The following ASPH variants were observed in gnomAD, a reference collection of about 807,000 sequenced individuals.
The protein encoded by ASPH is aspartate beta-hydroxylase.
In ASPH, 100 loss-of-function variants were observed where a neutral mutation model predicts 118.4. The ratio of observed to expected loss-of-function variants is 0.84; its 90% CI spans 0.72 to 1.00. The LOEUF (loss-of-function observed/expected upper bound fraction) is 1.00, where lower values mean the gene tolerates loss of function less well. Among genes scored for constraint, ASPH ranks in the 50% least tolerant of loss-of-function variants. The probability of loss-of-function intolerance (pLI) is 0.00; values close to 1 mark genes in which losing one functional copy is unlikely to be tolerated. For synonymous variants in ASPH, 315 were observed against 325.6 expected, an observed-to-expected ratio of 0.97 and a Z score of 0.35; for missense variants, 920 against 919.5, an observed-to-expected ratio of 1.00 and a Z score of -0.01.
chr8:61,565,477 G>T (rs1399743914), intron 17 of ASPH, among the ~76,000 whole-genome samples: 1 of 152,154 alleles, frequency 6.6e-6, no homozygotes, highest in African/African-American at 2.4e-5. Context: ...ATCATAAAAT[G>T]GGAAGAAAGA....
At chr8:61,618,456 T>G (rs1022195253) in intron 14 of ASPH, among the ~76,000 whole-genome samples, 3 of 152,178 alleles carry the variant, frequency 2.0e-5, no homozygotes, top group African/African-American at 7.2e-5. Context: ...GCTGTAACTT[T>G]GTTTGTATAT....
Position 61,517,593 on chromosome 8 carries a change from G to A in ASPH, c.2061C>T (p.Leu687=). ...GAATCACCAAGCCCAGGTGCATTCG[G>A]AGCCTGCAGTTTGTGGGCCCTGTGT... ...WPHTGPTNCR[L]RMHLGLVIPK... The change falls in exon 24 of 25, where the codon CTC becomes CTT. Residue 687 remains leucine (L), a synonymous_variant. Coordinates refer to ENST00000379454, the MANE Select transcript of ASPH (RefSeq NM_004318.4). The A allele has an allele frequency of 1.2e-6, 2 of 1,614,154 alleles. No individual in the cohort carries two copies. Among genetic ancestry groups the A allele is most frequent in the South Asian group, 2.2e-5 (2 of 91,086 alleles).
chr8:61,689,572 G>A lies in ASPH; in HGVS notation c.104-5384C>T. Reference sequence around the variant, plus strand: ...AGAAAATGTAGACAGTACAGTCAAAGCACTTAGCCAAAAATATTTTAACAG... The same window carrying A: ...AGAAAATGTAGACAGTACAGTCAAAACACTTAGCCAAAAATATTTTAACAG... On this transcript the variant is annotated intron_variant, in intron 1 of 24. Transcript: ENST00000379454. The A allele has an allele frequency of 1.6e-6, 2 of 1,212,270 alleles. 1 individual carries two copies. Among genetic ancestry groups the A allele is most frequent in the South Asian group, 2.8e-5 (2 of 70,464 alleles). 75.1% of individuals were successfully genotyped at this position (1,212,270 alleles called of 1,614,324 possible). A position where few individuals can be genotyped will look rare whatever the true frequency, so the allele number is the denominator to read the frequency against.
intron 14 of ASPH, among the ~76,000 whole-genome samples, chr8:61,595,987 T>C (rs1199837853): frequency 4.2e-5 from 6 of 142,512 alleles, no homozygotes; most frequent in African/African-American, 1.3e-4. Flanking sequence ...CAGTGTGCCA[T>C]CTGGATGTGT....
intron 20 of ASPH, among the ~76,000 whole-genome samples, chr8:61,550,442 T>TACAC (rs34577657): frequency 0.052 from 7,670 of 147,594 alleles, 202 homozygotes; most frequent in Admixed American, 0.069. Flanking sequence ...CACATGTACA[T>TACAC]ACACACACAC....
intron 22 of ASPH, among the ~76,000 whole-genome samples, chr8:61,520,459 C>T (rs1313448093): frequency 6.6e-6 from 1 of 152,142 alleles, no homozygotes; most frequent in Non-Finnish European, 1.5e-5. Flanking sequence ...ACAAAAAACG[C>T]AACTAAAAGG....
At chr8:61,616,280 G>A (rs945774718) in intron 14 of ASPH, among the ~76,000 whole-genome samples, 4 of 152,188 alleles carry the variant, frequency 2.6e-5, no homozygotes, top group African/African-American at 9.7e-5. Flanking sequence ...ATACCCGACA[G>A]TGCAGGGGAA....
intron 14 of ASPH, among the ~76,000 whole-genome samples, chr8:61,585,526 A>T (rs976765981): frequency 2.6e-5 from 4 of 152,182 alleles, no homozygotes; most frequent in Non-Finnish European, 4.4e-5. Flanking sequence ...CCGCCAACAC[A>T]CACACCTGTC....
At chr8:61,713,349 G>A (rs1015400744) in intron 1 of ASPH, among the ~76,000 whole-genome samples, 2 of 152,218 alleles carry the variant, frequency 1.3e-5, no homozygotes, top group African/African-American at 2.4e-5. Context: ...ATAGTGACAA[G>A]TGCTATAAAG....
rs548421071 is a variant in ASPH, at chr8:61,510,278, C to G, written c.2127-6769G>C. On this transcript the variant is annotated intron_variant, in intron 24 of 24. Transcript: ENST00000379454. ...GTTATGTAAGTTGTATAGAGTTACT[C>G]TTTACAAGAGGGAAAGCCAGGATTT... Among the ~76,000 whole-genome samples, 5 of 152,290 alleles carry G rather than the reference C, an allele frequency of 3.3e-5. No homozygotes were observed. In the South Asian group the frequency reaches 6.2e-4, roughly 19 times the overall value.
intron 11 of ASPH, 156 bp downstream of exon 11, chr8:61,638,166 A>T (rs1858727670): frequency 8.5e-7 from 1 of 1,173,254 alleles, no homozygotes; most frequent in Non-Finnish European, 1.2e-6. Context: ...TTATATTAGA[A>T]TATTAACTTT....
chr8:61,610,428 T>C (rs1248941914), intron 14 of ASPH, among the ~76,000 whole-genome samples: 1 of 152,222 alleles, frequency 6.6e-6, no homozygotes, highest in East Asian at 1.9e-4. Context: ...ATCACTAAAA[T>C]TGCCATAATT....
intron 3 of ASPH, among the ~76,000 whole-genome samples, chr8:61,676,890 A>G (rs1329011790): frequency 6.6e-6 from 1 of 152,016 alleles, no homozygotes; most frequent in African/African-American, 2.4e-5. Context: ...TAGCAGTATT[A>G]CCATTTATAG....
At chr8:61,708,649 G>A (rs1173649374) in intron 1 of ASPH, among the ~76,000 whole-genome samples, 1 of 152,282 alleles carries the variant, frequency 6.6e-6, no homozygotes, top group Non-Finnish European at 1.5e-5. Context: ...TGTAAAATAT[G>A]AGAAAAGGCA....
At chr8:61,615,604 T>C (rs1452160091) in intron 14 of ASPH, among the ~76,000 whole-genome samples, 4 of 152,346 alleles carry the variant, frequency 2.6e-5, no homozygotes, top group Non-Finnish European at 5.9e-5. Flanking sequence ...TGTTTGAATT[T>C]GACATTTAAC....
intron 24 of ASPH, among the ~76,000 whole-genome samples, chr8:61,516,743 C>CG (rs1407223893): frequency 1.2e-4 from 18 of 152,140 alleles, no homozygotes; most frequent in Admixed American, 2.6e-4. Context: ...GGTGAAAAGA[C>CG]GGGCATTCTA....
chr8:61,698,411 G>A (rs1834439309), intron 1 of ASPH, among the ~76,000 whole-genome samples: 1 of 152,234 alleles, frequency 6.6e-6, no homozygotes, highest in African/African-American at 2.4e-5. Flanking sequence ...ACTTGAAATA[G>A]GCAAGGAGGC....
intron 24 of ASPH, among the ~76,000 whole-genome samples, chr8:61,509,588 C>T (rs193275884): frequency 1.3e-4 from 20 of 152,280 alleles, no homozygotes; most frequent in Non-Finnish European, 2.8e-4. Flanking sequence ...GGCTGACCTC[C>T]TATCTCATCC....
chr8:61,682,687 G>A lies in ASPH; in HGVS notation c.253+1352C>T, dbSNP rs182536160. Among the ~76,000 whole-genome samples the A allele has an allele frequency of 3.4e-3, 523 of 152,188 alleles. 3 individuals carry two copies. Among genetic ancestry groups the A allele is most frequent in the Middle Eastern group, 0.027 (8 of 294 alleles). On this transcript the variant is annotated intron_variant, in intron 2 of 24. Coordinates refer to ENST00000379454, the MANE Select transcript of ASPH (RefSeq NM_004318.4). ...CCAGAGACACTTTCTTTAAAGTAAT[G>A]AAAATGAAAAACTTCAATGAAAGAC...
Sources: gnomAD v4.1 joint callset for allele counts (sites outside exome capture counted in the v4.1 genomes callset) on GRCh38, gnomAD v4.1.1 for gene constraint, MANE v1.5 for transcripts, NCBI Gene and HGNC (gene_info 2026-07-23, HGNC 2026-07-21) for gene names.